Variants in PPEF1 observed in about 807,000 individuals in gnomAD.
The protein encoded by PPEF1 is protein phosphatase with EF-hand domain 1.
A neutral mutation model predicts 53.3 loss-of-function variants in PPEF1; 12 were observed. The observed-to-expected ratio is 0.23, with a 90% CI of 0.14 to 0.36. The LOEUF is 0.36. Ranked by LOEUF, PPEF1 falls within the 10% of genes least tolerant of loss-of-function variation. The probability of loss-of-function intolerance (pLI) is 1.00; values close to 1 mark genes in which losing one functional copy is unlikely to be tolerated. For synonymous variants in PPEF1, 165 were observed against 176.7 expected (o/e 0.93, Z 0.52); for missense variants, 334 against 490.4 (o/e 0.68, Z 3.01).
rs73191540 is a variant in PPEF1, at chrX:18,729,538, G to A, written c.47-643G>A. Among the ~76,000 whole-genome samples the A allele has an allele frequency of 3.2e-3, 356 of 112,110 alleles. 2 individuals carry two copies. Among genetic ancestry groups the A allele is most frequent in the Non-Finnish European group, 5.8e-3 (310 of 53,223 alleles). ...TCCAATGGAAGTACTATGTTTTTAA[G>A]ACCTACTGGTTAGGTTGCTATGGGT... On this transcript the variant is annotated intron_variant, in intron 1 of 15. Transcript: ENST00000470157.
chrX:18,824,063 C>T lies in PPEF1; in HGVS notation c.1642C>T (p.Arg548Cys), dbSNP rs199971323. ...VEYMSSFQNI[R>C]IEKPVQEAHS... ...ATACATGTCCAGCTTCCAGAATATC[C>T]GCATTGAAAAACCTGTACAAGAGGC... Residue 548 changes from arginine (R) to cysteine (C), a missense_variant, in exon 14 of 16, where the codon CGC becomes TGC. Coordinates refer to ENST00000470157, the MANE Select transcript of PPEF1 (RefSeq NM_001377996.1). 9.6e-5 allele frequency: 115 copies of T among 1,199,158 alleles called. No homozygotes were observed. Among genetic ancestry groups the T allele is most frequent in the Non-Finnish European group, 1.2e-4 (103 of 887,895 alleles).
At chrX:18,767,843 G>C (rs2045807753) in intron 6 of PPEF1, among the ~76,000 whole-genome samples, 2 of 110,753 alleles carry the variant, frequency 1.8e-5, no homozygotes, top group African/African-American at 6.6e-5. Context: ...GGGGGTTGGG[G>C]GGTGATGGAT....
intron 10 of PPEF1, among the ~76,000 whole-genome samples, chrX:18,791,307 A>G (rs1379424219): frequency 8.9e-6 from 1 of 111,807 alleles, no homozygotes; most frequent in Non-Finnish European, 1.9e-5. Flanking sequence ...GTTGCCTTGA[A>G]TCTGTAGGTC....
intron 2 of PPEF1, among the ~76,000 whole-genome samples, chrX:18,685,363 C>T (rs965303020): frequency 1.9e-4 from 21 of 112,223 alleles, no homozygotes; most frequent in African/African-American, 6.8e-4. Context: ...TGCATGCTAG[C>T]AGTTTTCCTC....
intron 7 of PPEF1, among the ~76,000 whole-genome samples, chrX:18,781,893 G>T (rs1248279933): frequency 5.4e-5 from 6 of 110,838 alleles, no homozygotes; most frequent in African/African-American, 2.0e-4. Context: ...AGCATAACAA[G>T]CCAACTTGTT....
intron 9 of PPEF1, among the ~76,000 whole-genome samples, chrX:18,787,097 A>C (rs773640320): frequency 8.9e-6 from 1 of 112,311 alleles, no homozygotes; most frequent in African/African-American, 3.2e-5. Context: ...TTGTTGTATT[A>C]AATATCATTG....
chrX:18,707,958 A>G, intron 1 of PPEF1, 132 bp downstream of exon 1: 5 of 516,072 alleles, frequency 9.7e-6, no homozygotes, highest in Non-Finnish European at 1.6e-5. Context: ...GCATCGTTAG[A>G]GTAGCATAGG....
chrX:18,697,554 T>G, intron 4 of PPEF1, among the ~76,000 whole-genome samples: 1 of 110,876 alleles, frequency 9.0e-6, no homozygotes, highest in Non-Finnish European at 1.9e-5. Flanking sequence ...TCATCCCCCT[T>G]TCTGAGATAG....
At chrX:18,807,400 G>A (rs2046696189) in intron 12 of PPEF1, among the ~76,000 whole-genome samples, 1 of 111,990 alleles carries the variant, frequency 8.9e-6, no homozygotes, top group Admixed American at 9.5e-5. Flanking sequence ...GAAGAATAAA[G>A]AAATTGTTAA....
At chrX:18,817,925 G>A (rs1453753046) in intron 12 of PPEF1, 114 bp from the exon 13 acceptor site, 4 of 527,241 alleles carry the variant, frequency 7.6e-6, no homozygotes, top group Admixed American at 7.8e-5. Flanking sequence ...CGATATGTGA[G>A]AATCTGGGCA....
intron 3 of PPEF1, among the ~76,000 whole-genome samples, chrX:18,690,690 C>T (rs1929325323): frequency 8.9e-6 from 1 of 112,396 alleles, no homozygotes; most frequent in Non-Finnish European, 1.9e-5. Flanking sequence ...CTTGTTTTAT[C>T]AACATTCCTC....
chrX:18,764,547 T>C (rs751175830), intron 6 of PPEF1, among the ~76,000 whole-genome samples: 2 of 111,398 alleles, frequency 1.8e-5, no homozygotes, highest in Non-Finnish European at 3.8e-5. Flanking sequence ...TCATTGACCA[T>C]GAAATGGAGA....
chrX:18,815,172 A>G (rs2046880515), intron 12 of PPEF1, among the ~76,000 whole-genome samples: 1 of 111,928 alleles, frequency 8.9e-6, no homozygotes, highest in South Asian at 3.7e-4. Flanking sequence ...CAGCTATTAG[A>G]CAAAGCTTGC....
chrX:18,681,193 G>A (rs1928872903), upstream of PPEF1, among the ~76,000 whole-genome samples: 1 of 111,894 alleles, frequency 8.9e-6, no homozygotes, highest in South Asian at 3.8e-4. Flanking sequence ...TGGCCAGGAT[G>A]GTCTTGATCT....
chrX:18,794,369 G>A (rs943494559), intron 10 of PPEF1, among the ~76,000 whole-genome samples: 1 of 112,914 alleles, frequency 8.9e-6, no homozygotes, highest in African/African-American at 3.2e-5. Context: ...CTTACACTCT[G>A]TGCCAAATAA....
At chrX:18,792,565 T>G (rs148479243) in intron 10 of PPEF1, among the ~76,000 whole-genome samples, 1,307 of 111,623 alleles carry the variant, frequency 0.012, 29 homozygotes, top group African/African-American at 0.041. Context: ...CTTTTTTTTG[T>G]TGGTCAGTCT....
chrX:18,732,925 C>T lies in PPEF1; in HGVS notation c.175-823C>T, dbSNP rs111536191. On this transcript the variant is annotated intron_variant, in intron 2 of 15. Transcript: ENST00000470157. ...CACCAAAAAGAAAAGAGATCATGAC[C>T]GGGTGCAGTGGCTCACACCTGTAAT... Among the ~76,000 whole-genome samples the T allele has an allele frequency of 8.1e-3, 906 of 111,756 alleles. 11 individuals are homozygous for T. The highest frequency in any genetic ancestry group is 0.026 in the African/African-American group (789 of 30,740).
At position 18,827,482 on chromosome X, in the gene PPEF1, G is replaced by A; in HGVS notation, c.1957G>A (p.Gly653Ser). The A allele has an allele frequency of 1.7e-6, 2 of 1,203,947 alleles. No individual in the cohort carries two copies. Among genetic ancestry groups the A allele is most frequent in the Non-Finnish European group, 2.2e-6 (2 of 889,345 alleles). The change falls in exon 16 of 16, where the codon GGC becomes AGC. Residue 653 changes from glycine to serine, a missense_variant. By Grantham distance (56) the Gly-to-Ser change is moderately conservative. Transcript: ENST00000470157. ...DLMKPDVTNL[G>S] ...GATGAAACCTGATGTCACCAACCTT[G>A]GCTAAACACAAATGAGAGCTTCCCT...
At chrX:18,781,186 G>A (rs959445811) in intron 7 of PPEF1, among the ~76,000 whole-genome samples, 8 of 110,875 alleles carry the variant, frequency 7.2e-5, no homozygotes, top group African/African-American at 2.6e-4. Flanking sequence ...GGGATGAGGG[G>A]GAATGATGAA....
Sources: allele counts gnomAD v4.1 joint callset (sites outside exome capture counted in the v4.1 genomes callset), GRCh38; gene constraint gnomAD v4.1.1; transcripts MANE v1.5; gene names NCBI Gene and HGNC (gene_info 2026-07-23, HGNC 2026-07-21).